Variants in GBP7 observed in about 807,000 individuals in gnomAD.
GBP7 encodes the protein guanylate binding protein 7.
Under a neutral mutation model 61.3 loss-of-function variants are expected in GBP7, and 43 were observed. The ratio of observed to expected loss-of-function variants is 0.70; its 90% confidence interval spans 0.55 to 0.91. The LOEUF is 0.91. GBP7 is among the 40% of genes least tolerant of loss of function. GBP7 has a pLI of 0.00. For missense variants in GBP7, 717 were observed against 740.5 expected (o/e 0.97, Z 0.37); for synonymous variants, 267 against 271.0 (o/e 0.99, Z 0.14).
At chr1:89,143,072 G>T (rs1681989952) in intron 8 of GBP7, among the ~76,000 whole-genome samples, 1 of 152,126 alleles carries the variant, frequency 6.6e-6, no homozygotes, top group Admixed American at 6.5e-5. Flanking sequence ...GGGTCATTTG[G>T]TATTTGTTTT....
chr1:89,173,777 T>G lies in GBP7; in HGVS notation c.-19-1823A>C, dbSNP rs138054095. On this transcript the variant is annotated intron_variant, in intron 1 of 10. Transcript: ENST00000294671. ...GTTGATTTTAAGTATGATTTATTTTTTGAGTTTGTGAAACATCATGGTTCT... is the reference window on the plus strand; with the variant it reads ...GTTGATTTTAAGTATGATTTATTTTGTGAGTTTGTGAAACATCATGGTTCT... 3.6e-3 allele frequency among the ~76,000 whole-genome samples: 549 copies of G among 152,334 alleles called. 7 individuals carry two copies. Among genetic ancestry groups the G allele is most frequent in the African/African-American group, 0.013 (528 of 41,580 alleles).
At chr1:89,132,605 G>A (rs1681705928) in intron 10 of GBP7, among the ~76,000 whole-genome samples, 1 of 152,164 alleles carries the variant, frequency 6.6e-6, no homozygotes, top group Admixed American at 6.5e-5. Flanking sequence ...CATTTCCTCA[G>A]CACCATCTCA....
Position 89,135,219 on chromosome 1 carries a change from G to T in GBP7, c.1469-1768C>A, listed in dbSNP as rs374046926. On this transcript the variant is annotated intron_variant, in intron 9 of 10. Transcript: ENST00000294671. Reference sequence around the variant, plus strand: ...GATTACATAAAGAGACCAAACCTATGACTCATTGGCACCCGTGAAAGGGAG... The same window carrying T: ...GATTACATAAAGAGACCAAACCTATTACTCATTGGCACCCGTGAAAGGGAG... Among the ~76,000 whole-genome samples, 56 of 152,260 alleles carry T rather than the reference G, an allele frequency of 3.7e-4. 6 individuals are homozygous for T. The highest frequency in any genetic ancestry group is 9.2e-4 in the Admixed American group (14 of 15,300).
intron 8 of GBP7, among the ~76,000 whole-genome samples, 164 bp downstream of exon 8, chr1:89,147,403 A>G (rs938811604): frequency 6.6e-5 from 10 of 152,202 alleles, no homozygotes; most frequent in Non-Finnish European, 1.2e-4. Context: ...TGTTTTAGTA[A>G]GAGTAGCTAA....
At chr1:89,158,876 T>C (rs1235257109) in intron 3 of GBP7, among the ~76,000 whole-genome samples, 1 of 152,126 alleles carries the variant, frequency 6.6e-6, no homozygotes, top group Non-Finnish European at 1.5e-5. Context: ...AAAGTTCATA[T>C]GGAACCAAAA....
intron 8 of GBP7, among the ~76,000 whole-genome samples, chr1:89,143,996 C>G (rs1028138842): frequency 1.3e-5 from 2 of 152,110 alleles, no homozygotes; most frequent in African/African-American, 4.8e-5. Context: ...ATGTAGAACC[C>G]CAAAGGTCGT....
chr1:89,150,260 T>G (rs1682161542), intron 6 of GBP7, 70 bp downstream of exon 6: 1 of 1,430,070 alleles, frequency 7.0e-7, no homozygotes, highest in Non-Finnish European at 9.7e-7. Context: ...TTCGTGCTCA[T>G]AAGCTTAGTT....
chr1:89,139,490 C>T (rs868709368), intron 9 of GBP7, among the ~76,000 whole-genome samples: 1 of 152,144 alleles, frequency 6.6e-6, no homozygotes, highest in African/African-American at 2.4e-5. Context: ...AAAGAAACTA[C>T]CATCAGAGTG....
In GBP7 at chr1:89,149,398, AGT is replaced by A; in HGVS notation, c.1044_1045del (p.Leu349ProfsTer11). ...TGCATGCACGTCCAGCAGCTCCTGG[AGT>A]GTGTCTGTGGGGAATCTCACTTGCT... On this transcript the variant is annotated frameshift_variant, in exon 7 of 11. Transcript: ENST00000294671. LOFTEE classifies it high-confidence loss of function. 1 of 1,614,106 alleles carries A rather than the reference AGT, an allele frequency of 6.2e-7. No homozygotes were observed.
intron 1 of GBP7, among the ~76,000 whole-genome samples, chr1:89,174,747 T>A (rs961431353): frequency 6.6e-6 from 1 of 152,206 alleles, no homozygotes; most frequent in African/African-American, 2.4e-5. Context: ...CACCTGACAC[T>A]TACTCTGTTG....
chr1:89,151,368 C>G (rs959514117), intron 5 of GBP7, among the ~76,000 whole-genome samples: 27 of 152,092 alleles, frequency 1.8e-4, no homozygotes, highest in Admixed American at 1.3e-4. Context: ...CTTACTGTCC[C>G]CATGTCAGAA....
intron 1 of GBP7, among the ~76,000 whole-genome samples, chr1:89,174,647 G>A (rs148085262): frequency 1.3e-5 from 2 of 152,242 alleles, no homozygotes; most frequent in African/African-American, 4.8e-5. Context: ...GCAGGGTCTG[G>A]TCAGACTGTG....
chr1:89,155,137 C>T (rs1311395426), intron 3 of GBP7, among the ~76,000 whole-genome samples: 2 of 152,192 alleles, frequency 1.3e-5, no homozygotes, highest in East Asian at 1.9e-4. Context: ...CAGCTGAAGG[C>T]CCTGACTGTT....
At chr1:89,136,411 C>A (rs1681802067) in intron 9 of GBP7, among the ~76,000 whole-genome samples, 1 of 151,822 alleles carries the variant, frequency 6.6e-6, no homozygotes, top group Non-Finnish European at 1.5e-5. Flanking sequence ...CCTTGCTCTG[C>A]CATAAAGCAA....
At chr1:89,147,477 A>C (rs1295029775) in intron 8 of GBP7, 90 bp downstream of exon 8, 1 of 972,842 alleles carries the variant, frequency 1.0e-6, no homozygotes, top group Non-Finnish European at 1.6e-6. Context: ...TTGTCGATAA[A>C]TGGTGCTGTG....
Position 89,171,739 on chromosome 1 carries a change from C to A in GBP7, c.190+7G>T. 1 of 1,611,430 alleles carries A rather than the reference C, an allele frequency of 6.2e-7. No individual in the cohort carries two copies. The highest frequency in any genetic ancestry group is 8.5e-7 in the Non-Finnish European group (1 of 1,178,870). Reference sequence around the variant, plus strand: ...GGGCTCATCCATGCTTTGCTGGTGCCACTCACCTTTGTTCTTCCCAGCCAG... The same window carrying A: ...GGGCTCATCCATGCTTTGCTGGTGCAACTCACCTTTGTTCTTCCCAGCCAG... On this transcript the variant is annotated splice_region_variant and intron_variant, in intron 2 of 10. Coordinates refer to ENST00000294671, the MANE Select transcript of GBP7 (RefSeq NM_207398.3).
intron 5 of GBP7, among the ~76,000 whole-genome samples, chr1:89,151,346 G>C: frequency 6.6e-6 from 1 of 152,116 alleles, no homozygotes; most frequent in Non-Finnish European, 1.5e-5. Flanking sequence ...TAGCATCATG[G>C]ACTTTCTCAA....
chr1:89,163,807 T>C (rs528433293), intron 3 of GBP7, among the ~76,000 whole-genome samples: 1 of 152,246 alleles, frequency 6.6e-6, no homozygotes, highest in South Asian at 2.1e-4. Context: ...ATTTTATAAA[T>C]GTTCCCGGTA....
chr1:89,155,508 T>C (rs1433467206), intron 3 of GBP7, among the ~76,000 whole-genome samples: 1 of 152,132 alleles, frequency 6.6e-6, no homozygotes, highest in Non-Finnish European at 1.5e-5. Flanking sequence ...AGAGAAGACC[T>C]TAAATAACCT....
Sources: gnomAD v4.1 joint callset for allele counts (sites outside exome capture counted in the v4.1 genomes callset) on GRCh38, gnomAD v4.1.1 for gene constraint, MANE v1.5 for transcripts, NCBI Gene and HGNC (gene_info 2026-07-23, HGNC 2026-07-21) for gene names.